Variants in SLCO1B1 observed in about 807,000 individuals in gnomAD.
SLCO1B1 encodes the protein solute carrier organic anion transporter family member 1B1.
In SLCO1B1, 81 loss-of-function variants were observed where a neutral mutation model predicts 70.1. The ratio of observed to expected loss-of-function variants is 1.16; its 90% confidence interval spans 0.97 to 1.39. The LOEUF (loss-of-function observed/expected upper bound fraction) is 1.39, where lower values mean the gene tolerates loss of function less well. SLCO1B1 is among the 40% of genes most tolerant of loss of function. The pLI is 0.00. For synonymous variants in SLCO1B1, 283 were observed against 271.5 expected, an observed-to-expected ratio of 1.04 and a Z score of -0.42; for missense variants, 895 against 799.6, an observed-to-expected ratio of 1.12 and a Z score of -1.44.
rs543598971 is a variant in SLCO1B1 at position 21,136,476 on chromosome 12, C to T, written c.-61-5038C>T. Among the ~76,000 whole-genome samples, 12 of 152,198 alleles carry T rather than the reference C, an allele frequency of 7.9e-5. No individual in the cohort carries two copies. In the East Asian group the frequency reaches 1.5e-3, roughly 20 times the overall value. ...ATCACTTTCAGGTACACCAATCAGA[C>T]GTAGATTTGGTCTTTTCACATAGTC... On this transcript the variant is annotated intron_variant, in intron 1 of 14. Coordinates refer to ENST00000256958, the MANE Select transcript of SLCO1B1 (RefSeq NM_006446.5).
chr12:21,230,764 TCTTA>T (rs1414320538), intron 14 of SLCO1B1, among the ~76,000 whole-genome samples: 3 of 152,162 alleles, frequency 2.0e-5, no homozygotes, highest in Admixed American at 6.5e-5. Context: ...TGGTATAATT[TCTTA>T]CTTAAGTGTT....
At chr12:21,172,513 G>C in intron 2 of SLCO1B1, 137 bp from the exon 3 acceptor site, 1 of 958,266 alleles carries the variant, frequency 1.0e-6, no homozygotes, top group Non-Finnish European at 1.6e-6. Flanking sequence ...CTGGTAAAAG[G>C]GAAAACTAAG....
intron 3 of SLCO1B1, among the ~76,000 whole-genome samples, chr12:21,174,194 C>T (rs1940791154): frequency 6.6e-6 from 1 of 152,070 alleles, no homozygotes; most frequent in African/African-American, 2.4e-5. Context: ...TTATTTCTGG[C>T]TCTGAGCTTC....
intron 14 of SLCO1B1, among the ~76,000 whole-genome samples, chr12:21,230,532 G>A (rs761120600): frequency 3.9e-4 from 59 of 151,910 alleles, no homozygotes; most frequent in African/African-American, 6.3e-4. Flanking sequence ...GTTTCTCCAC[G>A]TTGGTCAGGC....
chr12:21,150,193 G>T (rs978040717), intron 2 of SLCO1B1, among the ~76,000 whole-genome samples: 18 of 152,076 alleles, frequency 1.2e-4, no homozygotes, highest in African/African-American at 3.4e-4. Context: ...AGCAGCCCCA[G>T]TCACGGGCTT....
At position 21,192,841 on chromosome 12, in the gene SLCO1B1, T is replaced by A. The variant is rs367993245; in HGVS notation, c.728-4105T>A. ...GAAATTTACCCTACAAATGTAGATA[T>A]TTTTTACTGAACACTTCCTCTTACT... On this transcript the variant is annotated intron_variant, in intron 7 of 14. Transcript: ENST00000256958. Among the ~76,000 whole-genome samples the A allele has an allele frequency of 1.3e-3, 196 of 152,200 alleles. 3 individuals are homozygous for A. In the South Asian group the frequency reaches 0.039, roughly 30 times the overall value.
In SLCO1B1 at chr12:21,193,523, T is replaced by C. The variant is rs7969577; in HGVS notation, c.728-3423T>C. Among the ~76,000 whole-genome samples, 1,181 of 152,340 alleles carry C rather than the reference T, an allele frequency of 7.8e-3. 14 individuals are homozygous for C. Among genetic ancestry groups the C allele is most frequent in the African/African-American group, 0.027 (1,102 of 41,578 alleles). On this transcript the variant is annotated intron_variant, in intron 7 of 14. Transcript: ENST00000256958. ...GGTGAATATATTGGGTTGTATATTC[T>C]TGGTGAATTAACTTAAAAAATCATT...
In SLCO1B1 at chr12:21,135,682, G is replaced by T. The variant is rs1388119745; in HGVS notation, c.-62+4446G>T. Among the ~76,000 whole-genome samples the T allele has an allele frequency of 4.6e-5, 7 of 152,010 alleles. No homozygotes were observed. The East Asian group carries it at 1.2e-3, about 25-fold the overall frequency. The stretch of plus-strand genomic sequence containing the variant: ...CCCTGCCTTTTTTTGTTTTCCATTT[G>T]CTTGGTAGATCTTCCTCCATCCCTT... On this transcript the variant is annotated intron_variant, in intron 1 of 14. Transcript: ENST00000256958.
chr12:21,140,787 CATATT>C (rs1940297587), intron 1 of SLCO1B1, among the ~76,000 whole-genome samples: 1 of 151,890 alleles, frequency 6.6e-6, no homozygotes, highest in Non-Finnish European at 1.5e-5. Flanking sequence ...ATGAAAAATC[CATATT>C]ATATTTCTGG....
intron 7 of SLCO1B1, among the ~76,000 whole-genome samples, chr12:21,183,273 G>A (rs542339223): frequency 2.0e-5 from 3 of 152,182 alleles, no homozygotes; most frequent in Non-Finnish European, 4.4e-5. Flanking sequence ...GTAGCTCACT[G>A]CAGCCTCAAG....
chr12:21,219,739 T>C (rs1465772150), intron 12 of SLCO1B1, among the ~76,000 whole-genome samples: 1 of 151,938 alleles, frequency 6.6e-6, no homozygotes, highest in Non-Finnish European at 1.5e-5. Flanking sequence ...TGAGTCTCAG[T>C]TGTTTTGCTT....
chr12:21,206,150 T>C (rs1463071114), intron 11 of SLCO1B1, 117 bp downstream of exon 11: 11 of 862,604 alleles, frequency 1.3e-5, no homozygotes, highest in Non-Finnish European at 1.7e-5. Context: ...AGAGAAAGTT[T>C]CCAGTATTAT....
At chr12:21,190,637 C>A (rs1167615322) in intron 7 of SLCO1B1, among the ~76,000 whole-genome samples, 1 of 151,870 alleles carries the variant, frequency 6.6e-6, no homozygotes, top group African/African-American at 2.4e-5. Context: ...TACATTGTAC[C>A]CAATATGTAG....
chr12:21,230,315 G>A (rs918559302), intron 14 of SLCO1B1, among the ~76,000 whole-genome samples: 25 of 137,112 alleles, frequency 1.8e-4, no homozygotes, highest in Admixed American at 1.2e-3. Context: ...AAGTTGCTCT[G>A]TAGTATTCTT....
intron 2 of SLCO1B1, among the ~76,000 whole-genome samples, chr12:21,160,280 C>CATA (rs1429848599): frequency 1.3e-5 from 2 of 151,720 alleles, no homozygotes; most frequent in African/African-American, 2.4e-5. Flanking sequence ...AAAACAGACA[C>CATA]ATAAACCAAT....
rs182303784 is a variant in SLCO1B1 at position 21,197,052 on chromosome 12, C to G, written c.834C>G (p.Phe278Leu). 7 of 1,613,584 alleles carry G rather than the reference C, an allele frequency of 4.3e-6. No homozygotes were observed. In the East Asian group the frequency reaches 1.6e-4, roughly 36 times the overall value. Residue 278 changes from phenylalanine to leucine, a missense_variant, in exon 8 of 15, where the codon TTC becomes TTG. Physicochemically the swap from Phe to Leu is conservative, Grantham distance 22. Coordinates refer to ENST00000256958, the MANE Select transcript of SLCO1B1 (RefSeq NM_006446.5). ...TTATTTCTTCCATACCATTCTTTTT[C>G]TTGCCCCAAACTCCAAATAAACCAC... ...FSIISSIPFF[F>L]LPQTPNKPQK...
intron 8 of SLCO1B1, among the ~76,000 whole-genome samples, chr12:21,198,404 T>C (rs1941118596): frequency 6.6e-6 from 1 of 152,136 alleles, no homozygotes; most frequent in Non-Finnish European, 1.5e-5. Context: ...ATACCAATAA[T>C]TTTCATTTTG....
At chr12:21,147,716 T>A (rs1940407671) in intron 2 of SLCO1B1, among the ~76,000 whole-genome samples, 2 of 152,258 alleles carry the variant, frequency 1.3e-5, no homozygotes, top group African/African-American at 4.8e-5. Flanking sequence ...AAGTCTTTGC[T>A]ATTGTGAATA....
chr12:21,156,844 C>G (rs1940550661), intron 2 of SLCO1B1, among the ~76,000 whole-genome samples: 1 of 152,180 alleles, frequency 6.6e-6, no homozygotes, highest in African/African-American at 2.4e-5. Context: ...ACTTGGTGCT[C>G]AACTCTCTTC....
Sources: allele counts gnomAD v4.1 joint callset (sites outside exome capture counted in the v4.1 genomes callset), GRCh38; gene constraint gnomAD v4.1.1; transcripts MANE v1.5; gene names NCBI Gene and HGNC (gene_info 2026-07-23, HGNC 2026-07-21).